MAL2: variants seen among roughly 807,000 people sequenced by gnomAD.
MAL2 encodes protein MAL2.
MAL2 carries 17 observed loss-of-function variants against 18.1 expected under a neutral mutation model. That is an observed-to-expected ratio of 0.94 (90% CI 0.64 to 1.41). MAL2 has a LOEUF of 1.41. MAL2 is among the 40% of genes most tolerant of loss of function. The pLI is 0.00. For synonymous variants in MAL2, 102 were observed against 102.3 expected, an observed-to-expected ratio of 1.00 and a Z score of 0.02; for missense variants, 222 against 231.9, an observed-to-expected ratio of 0.96 and a Z score of 0.28.
intron 1 of MAL2, among the ~76,000 whole-genome samples, chr8:119,220,639 GC>G (rs1411013413): frequency 6.6e-6 from 1 of 152,068 alleles, no homozygotes; most frequent in Non-Finnish European, 1.5e-5. Context: ...ACCAGCACAT[GC>G]CCCTCCTGTC....
At chr8:119,214,974 A>G (rs898801962) in intron 1 of MAL2, 1 of 152,730 alleles carries the variant, frequency 6.5e-6, no homozygotes, top group African/African-American at 2.4e-5. Context: ...AGAAGTCAGC[A>G]TGGTTAGAGG....
chr8:119,222,908 T>G (rs142193108), intron 2 of MAL2, among the ~76,000 whole-genome samples: 310 of 152,302 alleles, frequency 2.0e-3, no homozygotes, highest in African/African-American at 7.2e-3. Flanking sequence ...ACTTTTTGTT[T>G]AGTATATAGA....
chr8:119,234,610 C>G (rs1817832275), intron 2 of MAL2, among the ~76,000 whole-genome samples: 1 of 151,966 alleles, frequency 6.6e-6, no homozygotes, highest in Non-Finnish European at 1.5e-5. Flanking sequence ...AGCTGAACAT[C>G]TGAGACCTGG....
intron 2 of MAL2, among the ~76,000 whole-genome samples, chr8:119,222,255 G>A (rs1664771783): frequency 6.6e-6 from 1 of 152,026 alleles, no homozygotes; most frequent in Non-Finnish European, 1.5e-5. Context: ...TTGTGGCCGG[G>A]CGTGGTAGCT....
chr8:119,218,616 A>T (rs909512514), intron 1 of MAL2, among the ~76,000 whole-genome samples: 1 of 152,098 alleles, frequency 6.6e-6, no homozygotes, highest in African/African-American at 2.4e-5. Context: ...GCTCCTGGAG[A>T]TGGAACCTTG....
At chr8:119,223,478 C>T (rs1039458724) in intron 2 of MAL2, 1 of 152,190 alleles carries the variant, frequency 6.6e-6, no homozygotes. Context: ...ATTTCCCACC[C>T]ATTTGTAGCA....
intron 2 of MAL2, among the ~76,000 whole-genome samples, chr8:119,222,672 A>G (rs974462993): frequency 3.3e-5 from 5 of 151,998 alleles, no homozygotes; most frequent in Non-Finnish European, 7.4e-5. Flanking sequence ...TACAAAAACT[A>G]CAAAAAATAT....
intron 1 of MAL2, chr8:119,220,994 T>G (rs1817453893): frequency 6.6e-6 from 1 of 152,336 alleles, no homozygotes; most frequent in Non-Finnish European, 1.5e-5. Context: ...TATTGATACT[T>G]AGATCCATAG....
intron 2 of MAL2, among the ~76,000 whole-genome samples, chr8:119,232,201 G>T (rs571812309): frequency 6.6e-6 from 1 of 151,376 alleles, no homozygotes; most frequent in South Asian, 2.1e-4. Context: ...ACATGTACAC[G>T]ATAAATATGT....
chr8:119,209,148 G>A (rs1817232275), intron 1 of MAL2: 1 of 154,728 alleles, frequency 6.5e-6, no homozygotes, highest in African/African-American at 2.4e-5. Context: ...GCCATCATTA[G>A]TGGCCTTTGG....
intron 2 of MAL2, among the ~76,000 whole-genome samples, chr8:119,234,878 T>C (rs1421650744): frequency 2.0e-5 from 3 of 151,834 alleles, no homozygotes; most frequent in South Asian, 4.2e-4. Context: ...ACATAAAAAC[T>C]GGAAACTCTA....
chr8:119,227,553 G>A (rs1817621596), intron 2 of MAL2, among the ~76,000 whole-genome samples: 1 of 152,176 alleles, frequency 6.6e-6, no homozygotes, highest in Non-Finnish European at 1.5e-5. Context: ...GAAGAATGTG[G>A]CCTTGGCTCA....
chr8:119,222,722 G>A (rs1817491752), intron 2 of MAL2, among the ~76,000 whole-genome samples: 1 of 151,598 alleles, frequency 6.6e-6, no homozygotes, highest in African/African-American at 2.4e-5. Flanking sequence ...CAGCTACTCA[G>A]GAAGTTGAGG....
Position 119,221,389 on chromosome 8 carries a change from A to G in MAL2, c.133-198A>G, listed in dbSNP as rs568225752. The G allele has an allele frequency of 6.8e-6, 4 of 592,448 alleles. No homozygotes were observed. The African/African-American group carries it at 7.3e-5, about 11-fold the overall frequency. The allele number at this position is 592,448 out of a possible 1,614,324, so 36.7% of individuals were successfully genotyped here. On this transcript the variant is annotated intron_variant, in intron 1 of 3. Transcript: ENST00000614891. ...GTGGAGTTGGATCAGTTCTCCAAGC[A>G]GGAGGATTGATCTTGCACCTGAGGA...
chr8:119,219,914 TG>T (rs1817435979), intron 1 of MAL2, among the ~76,000 whole-genome samples: 1 of 151,990 alleles, frequency 6.6e-6, no homozygotes, highest in Non-Finnish European at 1.5e-5. Context: ...TAGATGTGAG[TG>T]GGAGAATCTC....
intron 2 of MAL2, among the ~76,000 whole-genome samples, chr8:119,224,706 C>T (rs1264288220): frequency 2.6e-5 from 4 of 152,160 alleles, no homozygotes; most frequent in African/African-American, 9.7e-5. Flanking sequence ...TCCCCACCCA[C>T]TCCTGAGTCT....
chr8:119,239,473 A>G (rs1344795027), intron 2 of MAL2, among the ~76,000 whole-genome samples: 1 of 152,098 alleles, frequency 6.6e-6, no homozygotes, highest in Non-Finnish European at 1.5e-5. Context: ...ATGCACATGT[A>G]TGTTTATTGC....
intron 2 of MAL2, among the ~76,000 whole-genome samples, chr8:119,225,746 AG>A (rs1563772319): frequency 6.6e-6 from 1 of 152,142 alleles, no homozygotes; most frequent in Non-Finnish European, 1.5e-5. Context: ...ACAGTGTAAA[AG>A]TGTTCCTATT....
chr8:119,212,700 A>G (rs1563767949), intron 1 of MAL2, among the ~76,000 whole-genome samples: 1 of 152,248 alleles, frequency 6.6e-6, no homozygotes, highest in Non-Finnish European at 1.5e-5. Flanking sequence ...GCCTTCAATA[A>G]TGAGCCATGG....
Sources: allele counts gnomAD v4.1 joint callset (sites outside exome capture counted in the v4.1 genomes callset), GRCh38; gene constraint gnomAD v4.1.1; transcripts MANE v1.5; gene names NCBI Gene and HGNC (gene_info 2026-07-23, HGNC 2026-07-21).